The following PRR12 variants were observed in gnomAD, a reference collection of about 807,000 sequenced individuals.
PRR12 encodes proline rich 12.
In PRR12, 12 loss-of-function variants were observed where a neutral mutation model predicts 138.0. The observed-to-expected ratio is 0.09, with a 90% CI of 0.06 to 0.14. The LOEUF is 0.14. Among genes scored for constraint, PRR12 ranks in the 10% least tolerant of loss-of-function variants. The probability of loss-of-function intolerance (pLI) is 1.00; values close to 1 mark genes in which losing one functional copy is unlikely to be tolerated. For synonymous variants in PRR12, 1,567 were observed against 1,291.7 expected, an observed-to-expected ratio of 1.21 and a Z score of -4.57; for missense variants, 2,692 against 2,861.3, an observed-to-expected ratio of 0.94 and a Z score of 1.35.
Position 49,615,901 on chromosome 19 carries a change from C to T in PRR12, c.5179C>T (p.Pro1727Ser), listed in dbSNP as rs2080889977. Residue 1727 changes from proline (P) to serine (S), a missense_variant, in exon 9 of 14, where the codon CCT becomes TCT. Transcript: ENST00000418929. ...TCCTGAGACGGCCATGCCTGAGCCC[C>T]CTGCCCCCGAGAAGCCCTCCCTCCT... ...QTPETAMPEPPAPEKPSLLRP... is the reference protein window; with the variant it reads ...QTPETAMPEPSAPEKPSLLRP... 6.4e-7 allele frequency: 1 copy of T among 1,567,616 alleles called. No individual in the cohort carries two copies. The highest frequency in any genetic ancestry group is 1.2e-5 in the South Asian group (1 of 85,476).
In PRR12 at chr19:49,616,867, G is replaced by A. The variant is rs917311933; in HGVS notation, c.5497+648G>A. On this transcript the variant is annotated intron_variant, in intron 9 of 13. Transcript: ENST00000418929. The surrounding 1 kb of genome is among the most constrained non-coding windows in gnomAD (Gnocchi z 4.2). ...GGTTAGGCCGGGCACAGTGGCTCGCGCCTGTAATCCCAACACTTTGGGAGG... is the reference window on the plus strand; with the variant it reads ...GGTTAGGCCGGGCACAGTGGCTCGCACCTGTAATCCCAACACTTTGGGAGG... 2.6e-5 allele frequency among the ~76,000 whole-genome samples: 4 copies of A among 152,092 alleles called. No individual in the cohort carries two copies. The highest frequency in any genetic ancestry group is 1.9e-4 in the East Asian group (1 of 5,192).
At chr19:49,598,828 G>A (rs1274508823) in intron 4 of PRR12, among the ~76,000 whole-genome samples, 1 of 152,160 alleles carries the variant, frequency 6.6e-6, no homozygotes, top group African/African-American at 2.4e-5. Flanking sequence ...AGAGATAAAG[G>A]AAATTCTGGG....
chr19:49,594,589 A>G lies in PRR12; in HGVS notation c.335A>G (p.Gln112Arg). Residue 112 changes from glutamine (Q) to arginine (R), a missense_variant, in exon 3 of 14, where the codon CAG becomes CGG. Coordinates refer to ENST00000418929, the MANE Select transcript of PRR12 (RefSeq NM_020719.3). The surrounding 1 kb of genome is among the most constrained non-coding windows in gnomAD (Gnocchi z 5.6). The stretch of plus-strand genomic sequence containing the variant: ...CCCTCCGCCTCCTCTCTCCTCTCCC[A>G]GTTCCGCAGTCCTTCCTGGCAAACA... ...PGPSASSLLS[Q>R]FRSPSWQTAM... The G allele has an allele frequency of 6.2e-7, 1 of 1,612,400 alleles. No individual in the cohort carries two copies. Among genetic ancestry groups the G allele is most frequent in the Non-Finnish European group, 8.5e-7 (1 of 1,179,634 alleles).
chr19:49,599,471 A>C lies in PRR12; in HGVS notation c.3878A>C (p.Lys1293Thr), dbSNP rs1394097160. ...ASFLDFLKSGKRHPPLYQAGL... is the reference protein window; with the variant it reads ...ASFLDFLKSGTRHPPLYQAGL... ...TTCTTGGACTTCCTCAAGTCAGGCA[A>C]GCGCCACCCACCACTCTACCAGGCG... The change falls in exon 5 of 14, where the codon AAG (lysine) becomes ACG (threonine). Residue 1293 changes from lysine (K) to threonine (T), a missense_variant. Physicochemically the swap from Lys to Thr is moderately conservative, Grantham distance 78. This residue lies in a region of PRR12 where 326 missense variants were observed against 344.2 expected (regional missense o/e 0.95). Transcript: ENST00000418929. The surrounding 1 kb of genome is among the most constrained non-coding windows in gnomAD (Gnocchi z 5.0). The C allele has an allele frequency of 1.9e-6, 3 of 1,601,256 alleles. No individual in the cohort carries two copies. The highest frequency in any genetic ancestry group is 2.6e-6 in the Non-Finnish European group (3 of 1,174,888).
chr19:49,607,318 A>AC (rs1244396445), intron 6 of PRR12, among the ~76,000 whole-genome samples: 1 of 151,696 alleles, frequency 6.6e-6, no homozygotes, highest in Admixed American at 6.6e-5. Flanking sequence ...GCACCACTGC[A>AC]CTCCAGCCTG....
In PRR12 at chr19:49,597,240, G is replaced by C; in HGVS notation, c.2905G>C (p.Glu969Gln). 1 of 1,570,696 alleles carries C rather than the reference G, an allele frequency of 6.4e-7. No homozygotes were observed. The change falls in exon 4 of 14, where the codon GAG becomes CAG. Residue 969 changes from glutamate to glutamine, a missense_variant. This residue lies in a region of PRR12 where 840 missense variants were observed against 689.8 expected (regional missense o/e 1.22). Transcript: ENST00000418929. This position sits in a 1 kb window ranked among gnomAD's most constrained non-coding sequence, Gnocchi z 6.3. ...CGACTACGGCAAGGCCGGGCCACCT[G>C]AGGACGAGGGGGACCCCAAGGCTGG... ...ADDYGKAGPP[E>Q]DEGDPKAGAG...
intron 4 of PRR12, 131 bp downstream of exon 4, chr19:49,598,144 G>A: frequency 9.5e-7 from 1 of 1,051,072 alleles, no homozygotes; most frequent in East Asian, 3.3e-5. Context: ...CACGATCTCG[G>A]TTCACTGCAA....
At position 49,624,892 on chromosome 19, in the gene PRR12, G is replaced by A. The variant is rs1237783936; in HGVS notation, c.5770G>A (p.Gly1924Ser). ...PQLQVEQSGE[G>S]SPEEGAVRLR... ...GCTGCAAGTGGAGCAGAGTGGGGAG[G>A]GCTCTCCGGAAGAGGGGGCTGTGCG... is the stretch of plus-strand genomic sequence containing the variant. Residue 1924 changes from glycine to serine, a missense_variant, in exon 12 of 14, where the codon GGC (glycine) becomes AGC (serine). Coordinates refer to ENST00000418929, the MANE Select transcript of PRR12 (RefSeq NM_020719.3). The A allele has an allele frequency of 1.2e-6, 2 of 1,610,550 alleles. No homozygotes were observed. Among genetic ancestry groups the A allele is most frequent in the African/African-American group, 1.3e-5 (1 of 74,816 alleles).
intron 6 of PRR12, among the ~76,000 whole-genome samples, chr19:49,605,482 G>T (rs180943183): frequency 6.6e-6 from 1 of 151,024 alleles, no homozygotes; most frequent in Non-Finnish European, 1.5e-5. Flanking sequence ...GGCTGCTCTC[G>T]AACTCCTGAC....
chr19:49,614,447 G>A lies in PRR12; in HGVS notation c.4774-86G>A, dbSNP rs2080881611. The A allele has an allele frequency of 3.3e-6, 3 of 899,226 alleles. No individual in the cohort carries two copies. Among genetic ancestry groups the A allele is most frequent in the Non-Finnish European group, 4.9e-6 (3 of 606,286 alleles). The allele number at this position is 899,226 out of a possible 1,614,324, so 55.7% of individuals were successfully genotyped here. A position where few individuals can be genotyped will look rare whatever the true frequency, so the allele number is the denominator to read the frequency against. On this transcript the variant is annotated intron_variant, in intron 6 of 13. Coordinates refer to ENST00000418929, the MANE Select transcript of PRR12 (RefSeq NM_020719.3). The surrounding 1 kb of genome is among the most constrained non-coding windows in gnomAD (Gnocchi z 5.0). The stretch of plus-strand genomic sequence containing the variant: ...TGCCTTTTCTCTAAGGGGATGGTGA[G>A]GGAAGCCAGTGGGCCAGGGCGTAGG...
chr19:49,601,616 C>A lies in PRR12; in HGVS notation c.4471C>A (p.Pro1491Thr). 1 of 1,542,470 alleles carries A rather than the reference C, an allele frequency of 6.5e-7. No homozygotes were observed. The highest frequency in any genetic ancestry group is 8.7e-7 in the Non-Finnish European group (1 of 1,145,434). ...GCCCTCGCCACCCCCGCTGGTGGCC[C>A]CCACGCCCAGCTCACCACCGCCACC... ...ALPSPPPLVAPTPSSPPPPPL... is the reference protein window; with the variant it reads ...ALPSPPPLVATTPSSPPPPPL... The change falls in exon 6 of 14, where the codon CCC (proline) becomes ACC (threonine). Residue 1491 changes from proline (P) to threonine (T), a missense_variant. Pro to Thr is a conservative substitution (Grantham distance 38). This residue lies in a region of PRR12 where 231 missense variants were observed against 200.8 expected (regional missense o/e 1.15). Coordinates refer to ENST00000418929, the MANE Select transcript of PRR12 (RefSeq NM_020719.3).
At chr19:49,593,522 C>T (rs1250314120) in intron 2 of PRR12, 83 bp downstream of exon 2, 2 of 685,316 alleles carry the variant, frequency 2.9e-6, no homozygotes, top group African/African-American at 1.8e-5. Flanking sequence ...AGTTCCGCCC[C>T]TCCTAATTGG....
chr19:49,601,552 T>G lies in PRR12; in HGVS notation c.4407T>G (p.Pro1469=). The change falls in exon 6 of 14, where the codon CCT becomes CCG. Residue 1469 remains proline, a synonymous_variant. Transcript: ENST00000418929. Reference sequence around the variant, plus strand: ...CACCTCCTGCCCCGACTCCTCAGCCTCAGCCTCCGCCACCCCCTCCGCCGC... The same window carrying G: ...CACCTCCTGCCCCGACTCCTCAGCCGCAGCCTCCGCCACCCCCTCCGCCGC... ...PTPPPAPTPQ[P]QPPPPPPPPQ... is the part of the protein sequence containing the mutation. The G allele has an allele frequency of 6.7e-7, 1 of 1,501,568 alleles. No homozygotes were observed. 93.0% of individuals were successfully genotyped at this position (1,501,568 alleles called of 1,614,324 possible).
chr19:49,622,919 A>G (rs2080931807), intron 11 of PRR12, among the ~76,000 whole-genome samples: 1 of 84,942 alleles, frequency 1.2e-5, no homozygotes, highest in African/African-American at 5.6e-5. Flanking sequence ...ATATATATAT[A>G]TATATATATA....
At chr19:49,613,146 G>A (rs530938689) in intron 6 of PRR12, among the ~76,000 whole-genome samples, 2 of 151,646 alleles carry the variant, frequency 1.3e-5, no homozygotes, top group Admixed American at 6.6e-5. Flanking sequence ...AGACCAGCCC[G>A]GCCAACATGG....
chr19:49,596,762 C>A lies in PRR12; in HGVS notation c.2427C>A (p.Ala809=). 6.2e-7 allele frequency: 1 copy of A among 1,604,460 alleles called. No individual in the cohort carries two copies. Among genetic ancestry groups the A allele is most frequent in the Non-Finnish European group, 8.5e-7 (1 of 1,179,156 alleles). Residue 809 remains alanine, a synonymous_variant, in exon 4 of 14, where the codon GCC becomes GCA. Transcript: ENST00000418929. This position sits in a 1 kb window ranked among gnomAD's most constrained non-coding sequence, Gnocchi z 5.6. ...PQLLPSVLSH[A]PSPSPSASKV... ...TGCTCCCCTCGGTCCTCAGCCATGC[C>A]CCCAGTCCCTCTCCCAGCGCCTCCA... is the stretch of plus-strand genomic sequence containing the variant.
chr19:49,601,552 T>C lies in PRR12; in HGVS notation c.4407T>C (p.Pro1469=). ...CACCTCCTGCCCCGACTCCTCAGCC[T>C]CAGCCTCCGCCACCCCCTCCGCCGC... ...PTPPPAPTPQ[P]QPPPPPPPPQ... The change falls in exon 6 of 14, where the codon CCT becomes CCC. Residue 1469 remains proline (P), a synonymous_variant. Transcript: ENST00000418929. The C allele has an allele frequency of 6.7e-7, 1 of 1,501,568 alleles. No homozygotes were observed. Among genetic ancestry groups the C allele is most frequent in the Non-Finnish European group, 8.9e-7 (1 of 1,120,188 alleles). The allele number at this position is 1,501,568 out of a possible 1,614,324, so 93.0% of individuals were successfully genotyped here.
intron 11 of PRR12, among the ~76,000 whole-genome samples, chr19:49,622,213 A>G (rs2080926770): frequency 6.6e-6 from 1 of 152,144 alleles, no homozygotes; most frequent in Admixed American, 6.6e-5. Context: ...GATGGATTCT[A>G]GGCTGGTACT....
chr19:49,592,206 G>A (rs2122276679), intron 1 of PRR12, among the ~76,000 whole-genome samples: 1 of 152,350 alleles, frequency 6.6e-6, no homozygotes, highest in African/African-American at 2.4e-5. Context: ...GCGCCACTAG[G>A]CGCCCCCCCA....
Sources: gnomAD v4.1 joint callset for allele counts (sites outside exome capture counted in the v4.1 genomes callset) on GRCh38, gnomAD v4.1.1 for gene constraint, gnomAD v4.1.1 regional missense constraint, Gnocchi (gnomAD v3.1) non-coding constraint, MANE v1.5 for transcripts, NCBI Gene and HGNC (gene_info 2026-07-23, HGNC 2026-07-21) for gene names.